Variants in SLC4A10 observed in about 807,000 individuals in gnomAD.
The protein encoded by SLC4A10 is solute carrier family 4 member 10.
A neutral mutation model predicts 137.7 loss-of-function variants in SLC4A10; 42 were observed. That is an observed-to-expected ratio of 0.30 (90% confidence interval 0.24 to 0.39). SLC4A10 has a LOEUF of 0.39. SLC4A10 is among the 10% of genes least tolerant of loss of function. SLC4A10 has a pLI of 1.00. For synonymous variants in SLC4A10, 474 were observed against 464.1 expected (o/e 1.02, Z -0.27); for missense variants, 925 against 1,355.0 (o/e 0.68, Z 4.98).
chr2:161,681,103 T>C (rs1444842282), intron 1 of SLC4A10, among the ~76,000 whole-genome samples: 1 of 152,150 alleles, frequency 6.6e-6, no homozygotes, highest in Non-Finnish European at 1.5e-5. Flanking sequence ...TCACTTTGCT[T>C]GAAGTTGATA....
intron 3 of SLC4A10, among the ~76,000 whole-genome samples, chr2:161,831,569 T>C (rs1559348596): frequency 6.6e-6 from 1 of 152,160 alleles, no homozygotes; most frequent in Non-Finnish European, 1.5e-5. Context: ...TTTTTCTGGC[T>C]AGACTAATAG....
intron 4 of SLC4A10, among the ~76,000 whole-genome samples, chr2:161,852,980 A>T (rs547042087): frequency 1.4e-3 from 208 of 152,364 alleles, no homozygotes; most frequent in African/African-American, 3.9e-3. Flanking sequence ...AAGACACTTT[A>T]TGTAATACTA....
chr2:161,855,849 CAAAG>C (rs1284216620), intron 5 of SLC4A10, among the ~76,000 whole-genome samples: 1 of 151,608 alleles, frequency 6.6e-6, no homozygotes, highest in South Asian at 2.1e-4. Context: ...AAAACACAAA[CAAAG>C]AAAAGAGGCA....
At chr2:161,730,880 C>T (rs761871213) in intron 1 of SLC4A10, among the ~76,000 whole-genome samples, 6 of 152,122 alleles carry the variant, frequency 3.9e-5, no homozygotes, top group East Asian at 1.9e-4. Flanking sequence ...AAGTTAACCA[C>T]GTAAGAAGTA....
intron 15 of SLC4A10, among the ~76,000 whole-genome samples, chr2:161,928,562 T>G (rs1405596482): frequency 1.4e-5 from 2 of 144,630 alleles, no homozygotes; most frequent in Non-Finnish European, 1.5e-5. Context: ...AATAAAAATA[T>G]CTTGAAAATT....
At chr2:161,880,683 T>A (rs187871361) in intron 9 of SLC4A10, among the ~76,000 whole-genome samples, 84 of 152,250 alleles carry the variant, frequency 5.5e-4, no homozygotes, top group Admixed American at 9.2e-4. Context: ...CTGTAACCTA[T>A]TCAAGGTTTC....
chr2:161,843,822 T>C (rs577662165), intron 4 of SLC4A10, among the ~76,000 whole-genome samples: 1 of 152,294 alleles, frequency 6.6e-6, no homozygotes, highest in South Asian at 2.1e-4. Flanking sequence ...AAAGATATTT[T>C]ATCAGCTCAT....
chr2:161,735,973 A>G (rs1222020297), intron 1 of SLC4A10, among the ~76,000 whole-genome samples: 2 of 152,204 alleles, frequency 1.3e-5, no homozygotes, highest in African/African-American at 4.8e-5. Flanking sequence ...TCTGAATTAT[A>G]TTTAACTGAC....
At chr2:161,862,768 A>G in intron 5 of SLC4A10, 106 bp from the exon 6 acceptor site, 1 of 795,026 alleles carries the variant, frequency 1.3e-6, no homozygotes, top group Non-Finnish European at 1.8e-6. Flanking sequence ...CTATTTCAAG[A>G]TGAATAATAT....
intron 1 of SLC4A10, among the ~76,000 whole-genome samples, chr2:161,747,650 C>A (rs907444426): frequency 2.6e-5 from 4 of 152,072 alleles, no homozygotes; most frequent in Non-Finnish European, 5.9e-5. Flanking sequence ...GTCTCCCCCA[C>A]CTTTTTTTTC....
chr2:161,971,387 G>A (rs1212861160), intron 23 of SLC4A10, among the ~76,000 whole-genome samples: 3 of 152,162 alleles, frequency 2.0e-5, no homozygotes, highest in Non-Finnish European at 4.4e-5. Context: ...AGTTAAATCA[G>A]TGAACTCTCT....
chr2:161,955,039 G>A (rs1210152047), intron 19 of SLC4A10, among the ~76,000 whole-genome samples: 1 of 152,088 alleles, frequency 6.6e-6, no homozygotes, highest in Admixed American at 6.6e-5. Flanking sequence ...ACAGCCACCA[G>A]CTCCTCTTCC....
intron 23 of SLC4A10, among the ~76,000 whole-genome samples, chr2:161,970,148 T>C (rs1463971213): frequency 6.6e-6 from 1 of 152,192 alleles, no homozygotes; most frequent in East Asian, 1.9e-4. Context: ...GAATAAAATA[T>C]AGTCTTCTAA....
chr2:161,665,890 G>T (rs888382910), intron 1 of SLC4A10, among the ~76,000 whole-genome samples: 2 of 149,044 alleles, frequency 1.3e-5, no homozygotes, highest in African/African-American at 4.9e-5. Flanking sequence ...CTCTTTCTAT[G>T]TTCAAATTCA....
chr2:161,822,775 G>C (rs528665207), intron 3 of SLC4A10, among the ~76,000 whole-genome samples: 1 of 152,164 alleles, frequency 6.6e-6, no homozygotes, highest in Non-Finnish European at 1.5e-5. Flanking sequence ...AGGAGTTGGA[G>C]ACCATCATGG....
chr2:161,838,817 G>T (rs2125784726), intron 3 of SLC4A10, among the ~76,000 whole-genome samples: 1 of 152,280 alleles, frequency 6.6e-6, no homozygotes, highest in Admixed American at 6.5e-5. Context: ...AATACCAAGT[G>T]CTGGTGAAGA....
At chr2:161,709,124 C>T (rs2044012696) in intron 1 of SLC4A10, among the ~76,000 whole-genome samples, 1 of 151,196 alleles carries the variant, frequency 6.6e-6, no homozygotes, top group South Asian at 2.1e-4. Flanking sequence ...GTTTGGGGCA[C>T]TTCAGATTTT....
chr2:161,695,881 T>G (rs943405317), intron 1 of SLC4A10, among the ~76,000 whole-genome samples: 17 of 152,188 alleles, frequency 1.1e-4, no homozygotes, highest in African/African-American at 4.1e-4. Context: ...CATGGCTACC[T>G]GACAATTATT....
intron 26 of SLC4A10, among the ~76,000 whole-genome samples, chr2:161,981,821 G>A (rs555234356): frequency 6.6e-6 from 1 of 152,290 alleles, no homozygotes; most frequent in African/African-American, 2.4e-5. Flanking sequence ...GCTGAGAAGT[G>A]TGGCAGGCAC....
Sources: allele counts gnomAD v4.1 joint callset (sites outside exome capture counted in the v4.1 genomes callset), GRCh38; gene constraint gnomAD v4.1.1; transcripts MANE v1.5; gene names NCBI Gene and HGNC (gene_info 2026-07-23, HGNC 2026-07-21).